Variants in GAS7 observed in about 807,000 individuals in gnomAD.
The protein encoded by GAS7 is growth arrest specific 7.
A neutral mutation model predicts 71.1 loss-of-function variants in GAS7; 28 were observed. The ratio of observed to expected loss-of-function variants is 0.39; its 90% CI spans 0.29 to 0.54. The LOEUF is 0.54. Ranked by LOEUF, GAS7 falls within the 20% of genes least tolerant of loss-of-function variation. The pLI, the probability that GAS7 is intolerant of heterozygous loss-of-function variation, is 0.62. For synonymous variants in GAS7, 258 were observed against 245.8 expected (o/e 1.05, Z -0.46); for missense variants, 436 against 627.8 (o/e 0.69, Z 3.27).
intron 1 of GAS7, among the ~76,000 whole-genome samples, chr17:10,041,757 A>G (rs1347552634): frequency 6.6e-6 from 1 of 152,026 alleles, no homozygotes; most frequent in Non-Finnish European, 1.5e-5. Flanking sequence ...GGCCTCTGCA[A>G]ATAGATAGGT....
intron 1 of GAS7, among the ~76,000 whole-genome samples, chr17:10,043,101 T>C (rs536031397): frequency 2.8e-4 from 42 of 152,244 alleles, no homozygotes; most frequent in African/African-American, 1.0e-3. Context: ...AGAAAGGACC[T>C]TGAGCTGAAC....
rs570894477 is a variant in GAS7, at chr17:10,056,139, G to A, written c.184-36242C>T. The stretch of plus-strand genomic sequence containing the variant: ...TCTATAATCCCAGCACTTTGAGATC[G>A]CTTGAGTTAAGGAGTTTGAGACCAG... On this transcript the variant is annotated intron_variant, in intron 1 of 13. Transcript: ENST00000432992. 8.5e-4 allele frequency among the ~76,000 whole-genome samples: 128 copies of A among 150,476 alleles called. 1 individual carries two copies. The highest frequency in any genetic ancestry group is 2.9e-3 in the African/African-American group (115 of 39,950).
chr17:9,945,132 C>G (rs1024364114), intron 6 of GAS7, among the ~76,000 whole-genome samples: 2 of 152,090 alleles, frequency 1.3e-5, no homozygotes, highest in Non-Finnish European at 2.9e-5. Context: ...AACTAGGATA[C>G]CCATTTCCAG....
chr17:9,996,806 AT>A (rs1406770454), intron 2 of GAS7, among the ~76,000 whole-genome samples: 1 of 151,626 alleles, frequency 6.6e-6, no homozygotes, highest in Non-Finnish European at 1.5e-5. Flanking sequence ...ACCCAGGTTC[AT>A]TTTTATATTT....
intron 5 of GAS7, among the ~76,000 whole-genome samples, chr17:9,949,511 A>G (rs2068919816): frequency 6.6e-6 from 1 of 152,146 alleles, no homozygotes; most frequent in Non-Finnish European, 1.5e-5. Flanking sequence ...AAGTAAATCT[A>G]GCGCACACCC....
At chr17:10,083,927 G>A (rs1235116563) in intron 1 of GAS7, among the ~76,000 whole-genome samples, 1 of 152,222 alleles carries the variant, frequency 6.6e-6, no homozygotes, top group Non-Finnish European at 1.5e-5. Flanking sequence ...AGGAAGACAA[G>A]TTCTCAGTCT....
At chr17:10,056,939 G>A (rs908801590) in intron 1 of GAS7, among the ~76,000 whole-genome samples, 5 of 151,690 alleles carry the variant, frequency 3.3e-5, no homozygotes, top group Non-Finnish European at 5.9e-5. Flanking sequence ...GCAGGCGCGC[G>A]CCACCACGCC....
chr17:10,133,914 T>C (rs1324811682), intron 1 of GAS7, among the ~76,000 whole-genome samples: 2 of 152,188 alleles, frequency 1.3e-5, no homozygotes, highest in Non-Finnish European at 2.9e-5. Context: ...CCATTGTGTA[T>C]ATATACAGGT....
chr17:10,130,675 A>T (rs1450625327), intron 1 of GAS7, among the ~76,000 whole-genome samples: 1 of 152,256 alleles, frequency 6.6e-6, no homozygotes, highest in Non-Finnish European at 1.5e-5. Context: ...CAGAAATAAA[A>T]AGAAATGAAG....
rs116704125 is a variant in GAS7 at position 10,001,579 on chromosome 17, T to C, written c.304+18198A>G. ...TGTCTCTCAGGGGAAATACAGAGCC[T>C]GAAAGGTTTTAAAAACTAGCCCAAC... On this transcript the variant is annotated intron_variant, in intron 2 of 13. Transcript: ENST00000432992. Among the ~76,000 whole-genome samples, 938 of 152,128 alleles carry C rather than the reference T, an allele frequency of 6.2e-3. 11 individuals are homozygous for C. Among genetic ancestry groups the C allele is most frequent in the South Asian group, 0.028 (135 of 4,816 alleles).
intron 5 of GAS7, among the ~76,000 whole-genome samples, chr17:9,956,734 C>A (rs997177704): frequency 1.3e-5 from 2 of 152,180 alleles, no homozygotes; most frequent in African/African-American, 4.8e-5. Flanking sequence ...CTGGATCCAC[C>A]ACCCTTTGCT....
At position 9,969,153 on chromosome 17, in the gene GAS7, G is replaced by C. The variant is rs983038416; in HGVS notation, c.471+524C>G. Reference sequence around the variant, plus strand: ...GTTGTTACTGACGCCTAACTCACATGTTTGCATAAACATCAAGTAGGATGG... The same window carrying C: ...GTTGTTACTGACGCCTAACTCACATCTTTGCATAAACATCAAGTAGGATGG... On this transcript the variant is annotated intron_variant, in intron 4 of 13. Transcript: ENST00000432992. This position sits in a 1 kb window ranked among gnomAD's most constrained non-coding sequence, Gnocchi z 5.5. 1.3e-5 allele frequency among the ~76,000 whole-genome samples: 2 copies of C among 152,190 alleles called. No homozygotes were observed. Among genetic ancestry groups the C allele is most frequent in the African/African-American group, 4.8e-5 (2 of 41,454 alleles).
intron 1 of GAS7, among the ~76,000 whole-genome samples, chr17:10,083,092 G>A (rs2073476274): frequency 6.6e-6 from 1 of 152,218 alleles, no homozygotes; most frequent in South Asian, 2.1e-4. Flanking sequence ...GTATACATTT[G>A]TCAACTCATT....
intron 5 of GAS7, among the ~76,000 whole-genome samples, chr17:9,947,839 A>C (rs9909511): frequency 0.014 from 2,062 of 151,782 alleles, 51 homozygotes; most frequent in African/African-American, 0.046. Flanking sequence ...AAAACAAAAA[A>C]AAAAAAAAAG....
intron 1 of GAS7, among the ~76,000 whole-genome samples, chr17:10,050,832 C>T (rs1424769338): frequency 6.6e-6 from 1 of 152,170 alleles, no homozygotes; most frequent in African/African-American, 2.4e-5. Context: ...TGCAAAGCTC[C>T]ATTCAAACAA....
chr17:10,196,850 G>A (rs2074544656), intron 1 of GAS7, among the ~76,000 whole-genome samples: 2 of 152,136 alleles, frequency 1.3e-5, no homozygotes, highest in African/African-American at 2.4e-5. Context: ...TTTTACATCC[G>A]AATCTCGGGA....
At chr17:10,005,140 C>CGCACGCATGCATGCATGTGTGTGA (rs2071439458) in intron 2 of GAS7, among the ~76,000 whole-genome samples, 1 of 36,366 alleles carries the variant, frequency 2.7e-5, no homozygotes. Flanking sequence ...CATGTGTGCG[C>CGCACGCATGCATGCATGTGTGTGA]GCACGCATGC....
chr17:10,118,642 T>A (rs1158771769), intron 1 of GAS7, among the ~76,000 whole-genome samples: 1 of 140,042 alleles, frequency 7.1e-6, no homozygotes, highest in East Asian at 2.2e-4. Context: ...AGGCGGAGGT[T>A]ACAGTGAGCT....
intron 11 of GAS7, among the ~76,000 whole-genome samples, chr17:9,922,151 T>C (rs2067838920): frequency 6.6e-6 from 1 of 151,962 alleles, no homozygotes; most frequent in African/African-American, 2.4e-5. Context: ...AGAATAGAGA[T>C]GGGCGTAGAG....
Sources: gnomAD v4.1 joint callset for allele counts (sites outside exome capture counted in the v4.1 genomes callset) on GRCh38, gnomAD v4.1.1 for gene constraint, Gnocchi (gnomAD v3.1) non-coding constraint, MANE v1.5 for transcripts, NCBI Gene and HGNC (gene_info 2026-07-23, HGNC 2026-07-21) for gene names.